The following MLN variants were observed in gnomAD, a reference collection of about 807,000 sequenced individuals.
MLN encodes the protein motilin, also known as promotilin.
In MLN, 14 loss-of-function variants were observed where a neutral mutation model predicts 13.3. The observed-to-expected ratio is 1.05, with a 90% CI of 0.69 to 1.64. The LOEUF is 1.64. Ranked by LOEUF, MLN falls within the 40% of genes most tolerant of loss-of-function variation. MLN has a pLI of 0.00. For missense variants in MLN, 122 were observed against 142.9 expected, an observed-to-expected ratio of 0.85 and a Z score of 0.75; for synonymous variants, 59 against 54.7, an observed-to-expected ratio of 1.08 and a Z score of -0.34.
intron 4 of MLN, 116 bp downstream of exon 4, chr6:33,795,387 A>G (rs1767889150): frequency 2.5e-6 from 2 of 787,154 alleles, no homozygotes; most frequent in South Asian, 1.6e-5. Flanking sequence ...ACGGCTCCAC[A>G]TTCTCAAGTG....
rs942205350 is a variant in MLN at position 33,799,310 on chromosome 6, G to C, written c.118-89C>G. ...CCTGTCTCCATCTGCCCAGGGTGCTGTCTGCCCTGAGCTCCCTACAGACTG... is the reference window on the plus strand; with the variant it reads ...CCTGTCTCCATCTGCCCAGGGTGCTCTCTGCCCTGAGCTCCCTACAGACTG... On this transcript the variant is annotated intron_variant, in intron 2 of 4. Transcript: ENST00000430124. The surrounding 1 kb of genome is among the most constrained non-coding windows in gnomAD (Gnocchi z 4.6). 8 of 902,594 alleles carry C rather than the reference G, an allele frequency of 8.9e-6. No individual in the cohort carries two copies. In the Admixed American group the frequency reaches 1.2e-4, roughly 14 times the overall value. 55.9% of individuals were successfully genotyped at this position (902,594 alleles called of 1,614,324 possible).
At chr6:33,801,772 C>T (rs77518937) in intron 1 of MLN, among the ~76,000 whole-genome samples, 2,152 of 152,324 alleles carry the variant, frequency 0.014, 38 homozygotes, top group African/African-American at 0.046. Flanking sequence ...GTTGGGGGAG[C>T]GATGGCTTGG....
intron 4 of MLN, 93 bp from the exon 5 acceptor site, chr6:33,794,928 G>C: frequency 6.7e-7 from 1 of 1,501,154 alleles, no homozygotes; most frequent in Non-Finnish European, 9.2e-7. Flanking sequence ...GAGGGAGGAG[G>C]GGGCACAAGG....
chr6:33,802,793 C>T (rs562848661), intron 1 of MLN, among the ~76,000 whole-genome samples: 2 of 152,232 alleles, frequency 1.3e-5, no homozygotes, highest in African/African-American at 2.4e-5. Flanking sequence ...TTGAGCTGAA[C>T]GGAGAATGGG....
chr6:33,800,210 C>T (rs942092797), intron 2 of MLN, among the ~76,000 whole-genome samples: 3 of 152,228 alleles, frequency 2.0e-5, no homozygotes, highest in Admixed American at 1.3e-4. Flanking sequence ...GTATTCATCC[C>T]TATTGGAGTC....
In MLN at chr6:33,794,771, C is replaced by G; in HGVS notation, c.*54G>C. On this transcript the variant is annotated 3_prime_UTR_variant, in exon 5 of 5. Coordinates refer to ENST00000430124, the MANE Select transcript of MLN (RefSeq NM_002418.3). ...CAGGCTCTGTAAATTCCCAGGGCCT[C>G]ACTTGGGCAGGAGGGGCCTCCCAAA... 2 of 1,608,180 alleles carry G rather than the reference C, an allele frequency of 1.2e-6. No individual in the cohort carries two copies. The highest frequency in any genetic ancestry group is 1.7e-6 in the Non-Finnish European group (2 of 1,177,364).
Position 33,794,781 on chromosome 6 carries a change from G to A in MLN, c.*44C>T. 3 of 1,611,920 alleles carry A rather than the reference G, an allele frequency of 1.9e-6. No homozygotes were observed. The highest frequency in any genetic ancestry group is 2.5e-6 in the Non-Finnish European group (3 of 1,179,050). On this transcript the variant is annotated 3_prime_UTR_variant, in exon 5 of 5. Transcript: ENST00000430124. ...AAATTCCCAGGGCCTCACTTGGGCA[G>A]GAGGGGCCTCCCAAATCTGTCCACC... is the stretch of plus-strand genomic sequence containing the variant.
chr6:33,802,214 G>C (rs941056723), intron 1 of MLN, among the ~76,000 whole-genome samples: 1 of 152,186 alleles, frequency 6.6e-6, no homozygotes, highest in African/African-American at 2.4e-5. Flanking sequence ...AAGGCACAGG[G>C]GGCAGGCCTG....
At chr6:33,800,011 T>A (rs3793079) in intron 2 of MLN, among the ~76,000 whole-genome samples, 50,916 of 152,004 alleles carry the variant, frequency 0.33, 9,660 homozygotes, top group East Asian at 0.75. Flanking sequence ...GGAAAGTGTG[T>A]TGGGGCCTGC....
At chr6:33,800,593 C>T (rs1227472445) in intron 2 of MLN, among the ~76,000 whole-genome samples, 1 of 152,224 alleles carries the variant, frequency 6.6e-6, no homozygotes, top group Non-Finnish European at 1.5e-5. Context: ...TTCCTTGAAC[C>T]TGAGCACTTA....
rs1767868207 is a variant in MLN, at chr6:33,794,720, G to A, written c.*105C>T. On this transcript the variant is annotated 3_prime_UTR_variant, in exon 5 of 5. Transcript: ENST00000430124. ...CTGGAGGGGAATTTGCTTTGGAAAG[G>A]GTGTTTTCCTTCCAAGCCCAGCTGG... The A allele has an allele frequency of 3.9e-5, 52 of 1,332,726 alleles. 2 individuals carry two copies. The South Asian group carries it at 6.9e-4, about 18-fold the overall frequency. 82.6% of individuals were successfully genotyped at this position (1,332,726 alleles called of 1,614,324 possible). A position where few individuals can be genotyped will look rare whatever the true frequency, so the allele number is the denominator to read the frequency against.
intron 2 of MLN, 23 bp downstream of exon 2, chr6:33,801,024 G>C: frequency 6.4e-7 from 1 of 1,555,922 alleles, no homozygotes; most frequent in African/African-American, 1.4e-5. Context: ...TTGCTAGCAG[G>C]GCAGGCAGCA....
intron 4 of MLN, 53 bp downstream of exon 4, chr6:33,795,450 G>A (rs1355864043): frequency 2.1e-6 from 3 of 1,427,874 alleles, no homozygotes; most frequent in Non-Finnish European, 1.9e-6. Flanking sequence ...GAGTATTAAC[G>A]CCAGGGTGGG....
Position 33,799,307 on chromosome 6 carries a change from G to T in MLN, c.118-86C>A. ...TTGCCTGTCTCCATCTGCCCAGGGT[G>T]CTGTCTGCCCTGAGCTCCCTACAGA... On this transcript the variant is annotated intron_variant, in intron 2 of 4. Coordinates refer to ENST00000430124, the MANE Select transcript of MLN (RefSeq NM_002418.3). The surrounding 1 kb of genome is among the most constrained non-coding windows in gnomAD (Gnocchi z 4.6). 1 of 944,576 alleles carries T rather than the reference G, an allele frequency of 1.1e-6. No individual in the cohort carries two copies. The allele number at this position is 944,576 out of a possible 1,614,324, so 58.5% of individuals were successfully genotyped here. A position where few individuals can be genotyped will look rare whatever the true frequency, so the allele number is the denominator to read the frequency against.
rs1159113466 is a variant in MLN, at chr6:33,803,292, TC to T, written c.-8+660del. The stretch of plus-strand genomic sequence containing the variant: ...CTCCCTCGGGGTCAACTTTTTCTTT[TC>T]CTTTTCTTTTCTTCTTTTTTTTTTT... On this transcript the variant is annotated intron_variant, in intron 1 of 4. Coordinates refer to ENST00000430124, the MANE Select transcript of MLN (RefSeq NM_002418.3). The surrounding 1 kb of genome is among the most constrained non-coding windows in gnomAD (Gnocchi z 4.5). Among the ~76,000 whole-genome samples the T allele has an allele frequency of 1.3e-5, 2 of 149,186 alleles. No individual in the cohort carries two copies. Among genetic ancestry groups the T allele is most frequent in the Non-Finnish European group, 3.0e-5 (2 of 67,588 alleles).
At chr6:33,800,917 G>A (rs904416091) in intron 2 of MLN, 130 bp downstream of exon 2, 9 of 713,102 alleles carry the variant, frequency 1.3e-5, no homozygotes, top group African/African-American at 8.8e-5. Flanking sequence ...AAGGCGTGAA[G>A]GTGGCCAGAG....
chr6:33,798,124 C>A (rs1330718957), intron 3 of MLN, among the ~76,000 whole-genome samples: 2 of 152,144 alleles, frequency 1.3e-5, no homozygotes, highest in Non-Finnish European at 2.9e-5. Context: ...CCACTGAGAT[C>A]CATAACCCAC....
At chr6:33,795,315 C>G (rs1767887066) in intron 4 of MLN, among the ~76,000 whole-genome samples, 188 bp downstream of exon 4, 1 of 152,196 alleles carries the variant, frequency 6.6e-6, no homozygotes, top group South Asian at 2.1e-4. Flanking sequence ...CAGCCTGAGA[C>G]CCGCCTCCCT....
chr6:33,798,082 C>T (rs1327398290), intron 3 of MLN, among the ~76,000 whole-genome samples: 2 of 152,194 alleles, frequency 1.3e-5, no homozygotes, highest in East Asian at 3.8e-4. Context: ...GGTCTTTGTG[C>T]TGCTACCGTC....
Sources: allele counts gnomAD v4.1 joint callset (sites outside exome capture counted in the v4.1 genomes callset), GRCh38; gene constraint gnomAD v4.1.1; non-coding constraint Gnocchi (gnomAD v3.1); transcripts MANE v1.5; gene names NCBI Gene and HGNC (gene_info 2026-07-23, HGNC 2026-07-21).